The following DYNC2H1 variants were observed in gnomAD, a reference collection of about 807,000 sequenced individuals.
DYNC2H1 encodes cytoplasmic dynein 2 heavy chain 1.
Under a neutral mutation model 570.0 loss-of-function variants are expected in DYNC2H1, and 410 were observed. The ratio of observed to expected loss-of-function variants is 0.72; its 90% confidence interval spans 0.66 to 0.78. The LOEUF (loss-of-function observed/expected upper bound fraction) is 0.78. Ranked by LOEUF, DYNC2H1 falls within the 30% of genes least tolerant of loss-of-function variation. The pLI is 0.00. For synonymous variants in DYNC2H1, 1,688 were observed against 1,677.6 expected, an observed-to-expected ratio of 1.01 and a Z score of -0.15; for missense variants, 4,865 against 5,046.4, an observed-to-expected ratio of 0.96 and a Z score of 1.09.
At chr11:103,143,004 G>A (rs576287044) in intron 17 of DYNC2H1, among the ~76,000 whole-genome samples, 1 of 152,064 alleles carries the variant, frequency 6.6e-6, no homozygotes, top group Non-Finnish European at 1.5e-5. Flanking sequence ...TTGAAGTTTT[G>A]TATTATTTAA....
chr11:103,218,578 T>C (rs1863469579), intron 55 of DYNC2H1, among the ~76,000 whole-genome samples: 1 of 152,214 alleles, frequency 6.6e-6, no homozygotes, highest in Non-Finnish European at 1.5e-5. Flanking sequence ...ATGTAAAGGA[T>C]AACACTGTTG....
At chr11:103,313,318 G>A (rs11225699) in intron 79 of DYNC2H1, among the ~76,000 whole-genome samples, 25,259 of 151,994 alleles carry the variant, frequency 0.17, 2,290 homozygotes, top group Admixed American at 0.25. Flanking sequence ...ATCTGTTATC[G>A]TCATCACAAT....
rs751778009 is a variant in DYNC2H1, at chr11:103,134,307, C to T, written c.2107-14C>T. 3 of 1,611,188 alleles carry T rather than the reference C, an allele frequency of 1.9e-6. No individual in the cohort carries two copies. Among genetic ancestry groups the T allele is most frequent in the Admixed American group, 1.7e-5 (1 of 59,850 alleles). On this transcript the variant is annotated splice_polypyrimidine_tract_variant and intron_variant, in intron 14 of 88. Coordinates refer to ENST00000375735, the MANE Select transcript of DYNC2H1 (RefSeq NM_001377.3). ...AGCAATACTTTGAGACTAGCATGCT[C>T]TAATTTTTCATAGGTGGTTGTTCTT...
intron 87 of DYNC2H1, among the ~76,000 whole-genome samples, chr11:103,457,414 C>G (rs781062455): frequency 1.1e-4 from 16 of 152,096 alleles, no homozygotes; most frequent in Non-Finnish European, 2.2e-4. Flanking sequence ...CCCCTAAAGA[C>G]CTTCCAGTGC....
intron 71 of DYNC2H1, among the ~76,000 whole-genome samples, chr11:103,281,400 G>A (rs1190185979): frequency 6.6e-6 from 1 of 151,868 alleles, no homozygotes; most frequent in African/African-American, 2.4e-5. Flanking sequence ...TAAACAAATT[G>A]TCATTGGGAA....
chr11:103,477,370 A>T (rs1297843925), intron 88 of DYNC2H1, among the ~76,000 whole-genome samples: 2 of 152,160 alleles, frequency 1.3e-5, no homozygotes, highest in Non-Finnish European at 2.9e-5. Context: ...TTGCCTCTTA[A>T]GTTCCATTCC....
chr11:103,288,684 TAAAAAAAAAAAAA>T lies in DYNC2H1; in HGVS notation c.11095+1093_11095+1105del, dbSNP rs57040929. Among the ~76,000 whole-genome samples, 2 of 27,904 alleles carry T rather than the reference TAAAAAAAAAAAAA, an allele frequency of 7.2e-5. 1 individual carries two copies. Among genetic ancestry groups the T allele is most frequent in the South Asian group, 3.5e-3 (2 of 566 alleles). The allele number at this position is 27,904 out of a possible 152,430, so 18.3% of individuals were successfully genotyped here. The stretch of plus-strand genomic sequence containing the variant: ...CTACATGGTGAAACCCCGTCTCTAC[TAAAAAAAAAAAAA>T]AAAAAAAAAAAAAGAAAAGAAAGTA... On this transcript the variant is annotated intron_variant, in intron 75 of 88. Transcript: ENST00000375735.
intron 62 of DYNC2H1, among the ~76,000 whole-genome samples, chr11:103,236,214 C>G (rs1864211575): frequency 6.6e-6 from 1 of 151,930 alleles, no homozygotes; most frequent in Non-Finnish European, 1.5e-5. Flanking sequence ...GAAACAGTCA[C>G]TCAAAGAAAT....
At position 103,479,118 on chromosome 11, in the gene DYNC2H1, G is replaced by A. The variant is rs371957414; in HGVS notation, c.12789G>A (p.Pro4263=). 84 of 1,613,534 alleles carry A rather than the reference G, an allele frequency of 5.2e-5. No individual in the cohort carries two copies. Among genetic ancestry groups the A allele is most frequent in the East Asian group, 3.1e-4 (14 of 44,858 alleles). The change falls in exon 89 of 89, where the codon CCG becomes CCA. Residue 4263 remains proline (P), a synonymous_variant. Transcript: ENST00000375735. ...IPQDACGPYS[P]DECISLPVYT... ...AGGATGCATGTGGTCCATATTCTCCGGATGAGTGCATCTCTTTGCCTGTTT... is the reference window on the plus strand; with the variant it reads ...AGGATGCATGTGGTCCATATTCTCCAGATGAGTGCATCTCTTTGCCTGTTT...
chr11:103,385,229 A>G (rs1458923465), intron 83 of DYNC2H1, among the ~76,000 whole-genome samples: 5 of 152,062 alleles, frequency 3.3e-5, no homozygotes, highest in African/African-American at 1.2e-4. Context: ...GATCAGTACT[A>G]TCAACATCTG....
rs971250109 is a variant in DYNC2H1 at position 103,392,267 on chromosome 11, C to G, written c.12157-7396C>G. Among the ~76,000 whole-genome samples, 3 of 152,222 alleles carry G rather than the reference C, an allele frequency of 2.0e-5. No individual in the cohort carries two copies. In the East Asian group the frequency reaches 5.8e-4, roughly 29 times the overall value. On this transcript the variant is annotated intron_variant, in intron 83 of 88. Transcript: ENST00000375735. ...CTCAGACTGCTGTGCTAGCAATGAG[C>G]TAGGCTCCATGGGCATAGGACCCTC...
rs957762474 is a variant in DYNC2H1 at position 103,326,322 on chromosome 11, G to A, written c.12039+2332G>A. ...TTCTGATCATTGGCTCCTTCCCCGGGTTTCTTTTGCTATGTGTTCGGGGTG... is the reference window on the plus strand; with the variant it reads ...TTCTGATCATTGGCTCCTTCCCCGGATTTCTTTTGCTATGTGTTCGGGGTG... On this transcript the variant is annotated intron_variant, in intron 82 of 88. Transcript: ENST00000375735. The surrounding 1 kb of genome is among the most constrained non-coding windows in gnomAD (Gnocchi z 6.1). 4.6e-5 allele frequency among the ~76,000 whole-genome samples: 7 copies of A among 152,136 alleles called. No homozygotes were observed. Among genetic ancestry groups the A allele is most frequent in the African/African-American group, 1.7e-4 (7 of 41,426 alleles).
rs1167850756 is a variant in DYNC2H1, at chr11:103,280,498, A to G, written c.10761+85A>G. 2.5e-6 allele frequency: 3 copies of G among 1,200,990 alleles called. No homozygotes were observed. The highest frequency in any genetic ancestry group is 2.4e-6 in the Non-Finnish European group (2 of 837,700). The allele number at this position is 1,200,990 out of a possible 1,614,324, so 74.4% of individuals were successfully genotyped here. Reference sequence around the variant, plus strand: ...TTTATGTTTAGATTAGAAATTATTTAGGCTAGAAATTATATATCAACCTAT... The same window carrying G: ...TTTATGTTTAGATTAGAAATTATTTGGGCTAGAAATTATATATCAACCTAT... On this transcript the variant is annotated intron_variant, in intron 71 of 88. Transcript: ENST00000375735. This position sits in a 1 kb window ranked among gnomAD's most constrained non-coding sequence, Gnocchi z 4.7.
At chr11:103,453,700 C>T (rs1944690713) in intron 85 of DYNC2H1, among the ~76,000 whole-genome samples, 3 of 148,934 alleles carry the variant, frequency 2.0e-5, no homozygotes, top group African/African-American at 7.5e-5. Context: ...ATTAATTTTA[C>T]AGCATTAATG....
At position 103,186,549 on chromosome 11, in the gene DYNC2H1, G is replaced by A. The variant is rs1161543398; in HGVS notation, c.6893+48G>A. The A allele has an allele frequency of 7.0e-6, 11 of 1,568,920 alleles. No individual in the cohort carries two copies. In the Admixed American group the frequency reaches 7.1e-5, roughly 10 times the overall value. ...TATATGTTGTGGATTTATTCCTGCC[G>A]CCCCTAATTGATTTAATGGCTTTTG... On this transcript the variant is annotated intron_variant, in intron 42 of 88. Coordinates refer to ENST00000375735, the MANE Select transcript of DYNC2H1 (RefSeq NM_001377.3). The surrounding 1 kb of genome is among the most constrained non-coding windows in gnomAD (Gnocchi z 4.5).
chr11:103,288,180 A>G (rs1398374139), intron 75 of DYNC2H1, among the ~76,000 whole-genome samples: 11 of 152,108 alleles, frequency 7.2e-5, no homozygotes, highest in Non-Finnish European at 1.5e-4. Context: ...CCTAAACCAT[A>G]ATTTCTGATT....
chr11:103,361,168 G>A (rs1488676292), intron 83 of DYNC2H1, among the ~76,000 whole-genome samples: 2 of 152,310 alleles, frequency 1.3e-5, no homozygotes, highest in East Asian at 1.9e-4. Flanking sequence ...ATATGTTGAA[G>A]TCTTAACTCT....
intron 78 of DYNC2H1, among the ~76,000 whole-genome samples, chr11:103,309,914 T>C (rs1867497488): frequency 6.6e-6 from 1 of 152,162 alleles, no homozygotes; most frequent in Admixed American, 6.5e-5. Flanking sequence ...TTTGATTATA[T>C]TTTTATGGGA....
At position 103,154,447 on chromosome 11, in the gene DYNC2H1, A is replaced by G. The variant is rs1281237312; in HGVS notation, c.3303-4A>G. On this transcript the variant is annotated splice_region_variant and splice_polypyrimidine_tract_variant and intron_variant, in intron 22 of 88. Transcript: ENST00000375735. ...ATTTAATATTTCAATATTTGTTTCT[A>G]TAGTGATGATTGCCATCATTTTAGA... The G allele has an allele frequency of 1.1e-5, 17 of 1,524,800 alleles. No homozygotes were observed. The highest frequency in any genetic ancestry group is 1.5e-5 in the Non-Finnish European group (17 of 1,140,792). The allele number at this position is 1,524,800 out of a possible 1,614,324, so 94.5% of individuals were successfully genotyped here.
Sources: gnomAD v4.1 joint callset for allele counts (sites outside exome capture counted in the v4.1 genomes callset) on GRCh38, gnomAD v4.1.1 for gene constraint, Gnocchi (gnomAD v3.1) non-coding constraint, MANE v1.5 for transcripts, NCBI Gene and HGNC (gene_info 2026-07-23, HGNC 2026-07-21) for gene names.